GNG7: variants seen among roughly 807,000 people sequenced by gnomAD.
The protein encoded by GNG7 is guanine nucleotide-binding protein G(I)/G(S)/G(O) subunit gamma-7.
A neutral mutation model predicts 4.0 loss-of-function variants in GNG7; 1 was observed. The ratio of observed to expected loss-of-function variants is 0.25; its 90% CI spans 0.09 to 1.18. The LOEUF is 1.18. GNG7 is among the 50% of genes most tolerant of loss of function. The pLI is 0.50. For missense variants in GNG7, 86 were observed against 91.9 expected, an observed-to-expected ratio of 0.94 and a Z score of 0.26; for synonymous variants, 34 against 36.9, an observed-to-expected ratio of 0.92 and a Z score of 0.29.
At chr19:2,602,079 G>A (rs926118828) in intron 2 of GNG7, among the ~76,000 whole-genome samples, 1 of 152,048 alleles carries the variant, frequency 6.6e-6, no homozygotes, top group Admixed American at 6.6e-5. Flanking sequence ...GCTCACGCCT[G>A]TAATCCCAGC....
intron 3 of GNG7, among the ~76,000 whole-genome samples, chr19:2,550,648 G>A (rs1979287547): frequency 6.6e-6 from 1 of 152,186 alleles, no homozygotes; most frequent in African/African-American, 2.4e-5. Context: ...CACAGCCTGA[G>A]GGACCACCAG....
In GNG7 at chr19:2,611,787, G is replaced by C. The variant is rs527343894; in HGVS notation, c.-78+34437C>G. 1.7e-4 allele frequency: 26 copies of C among 152,260 alleles called. No individual in the cohort carries two copies. Among genetic ancestry groups the C allele is most frequent in the African/African-American group, 6.3e-4 (26 of 41,554 alleles). 9.4% of individuals were successfully genotyped at this position (152,260 alleles called of 1,614,324 possible). A position where few individuals can be genotyped will look rare whatever the true frequency, so the allele number is the denominator to read the frequency against. On this transcript the variant is annotated intron_variant, in intron 2 of 4. Coordinates refer to ENST00000382159, the MANE Select transcript of GNG7 (RefSeq NM_052847.3). This position sits in a 1 kb window ranked among gnomAD's most constrained non-coding sequence, Gnocchi z 6.0. ...GGAGGTGGAGGCTGCACTGAGCGTT[G>C]ATCGCGCCACTGCTCTCCAGCCTGG...
chr19:2,566,980 C>T (rs1032272801), intron 2 of GNG7, among the ~76,000 whole-genome samples: 3 of 151,962 alleles, frequency 2.0e-5, no homozygotes, highest in Non-Finnish European at 2.9e-5. Flanking sequence ...TGGCGGGCGT[C>T]TGTAATCCCA....
intron 2 of GNG7, among the ~76,000 whole-genome samples, chr19:2,566,207 G>C (rs1160885634): frequency 6.6e-6 from 1 of 152,048 alleles, no homozygotes; most frequent in Non-Finnish European, 1.5e-5. Context: ...GGGACATTTG[G>C]ACACAGATGC....
chr19:2,608,298 C>T (rs1176418817), intron 2 of GNG7, among the ~76,000 whole-genome samples: 2 of 149,996 alleles, frequency 1.3e-5, no homozygotes, highest in African/African-American at 4.9e-5. Context: ...GTTCCGCCCA[C>T]GTGGGATTTG....
intron 1 of GNG7, among the ~76,000 whole-genome samples, chr19:2,665,407 C>T (rs1455614009): frequency 1.3e-5 from 2 of 151,888 alleles, no homozygotes; most frequent in Non-Finnish European, 1.5e-5. Context: ...ACAGTCCTCG[C>T]CACACCCCAC....
chr19:2,576,217 G>A (rs113384397), intron 2 of GNG7, among the ~76,000 whole-genome samples: 1,766 of 152,368 alleles, frequency 0.012, 39 homozygotes, highest in African/African-American at 0.041. Flanking sequence ...CCAACCCACC[G>A]CAGTGGGGCG....
intron 2 of GNG7, among the ~76,000 whole-genome samples, chr19:2,570,031 G>A (rs941198737): frequency 6.6e-6 from 1 of 151,866 alleles, no homozygotes; most frequent in East Asian, 1.9e-4. Flanking sequence ...GGCTGGGTGG[G>A]CGGCATTTGG....
intron 2 of GNG7, among the ~76,000 whole-genome samples, chr19:2,625,752 C>T (rs894485577): frequency 6.6e-6 from 1 of 152,066 alleles, no homozygotes; most frequent in African/African-American, 2.4e-5. Context: ...AAGACAAGGA[C>T]TTCAGAGCTG....
chr19:2,697,786 TC>T (rs150074058), intron 1 of GNG7, among the ~76,000 whole-genome samples: 10,692 of 124,702 alleles, frequency 0.086, 685 homozygotes, highest in African/African-American at 0.2. Context: ...GAGGGCCCCG[TC>T]CCCCCCCCCG....
intron 2 of GNG7, among the ~76,000 whole-genome samples, chr19:2,637,817 C>T (rs948772223): frequency 1.3e-5 from 2 of 150,286 alleles, no homozygotes; most frequent in Non-Finnish European, 1.5e-5. Context: ...ACAGATGTCC[C>T]CTGGAGGCAG....
intron 3 of GNG7, among the ~76,000 whole-genome samples, chr19:2,536,086 C>G (rs1187101857): frequency 6.6e-6 from 1 of 151,848 alleles, no homozygotes; most frequent in South Asian, 2.1e-4. Context: ...GACCACACCA[C>G]TGTACTTCAG....
intron 2 of GNG7, chr19:2,595,137 T>G (rs1980977074): frequency 6.7e-6 from 1 of 149,256 alleles, no homozygotes; most frequent in Non-Finnish European, 1.5e-5. Flanking sequence ...ATTAAATTTT[T>G]TTTTTTTTGA....
At chr19:2,579,196 A>G (rs1980429798) in intron 2 of GNG7, among the ~76,000 whole-genome samples, 1 of 152,240 alleles carries the variant, frequency 6.6e-6, no homozygotes, top group Admixed American at 6.5e-5. Context: ...CAAGGTCTGC[A>G]CAGGGGTCAC....
At chr19:2,531,770 CAAAAAAA>C (rs57772201) in intron 3 of GNG7, among the ~76,000 whole-genome samples, 53 of 128,324 alleles carry the variant, frequency 4.1e-4, no homozygotes, top group African/African-American at 1.5e-3. Flanking sequence ...GACTCCGTCC[CAAAAAAA>C]AAAAAAAATG....
At chr19:2,658,065 C>A (rs574581698) in intron 1 of GNG7, among the ~76,000 whole-genome samples, 1 of 152,210 alleles carries the variant, frequency 6.6e-6, no homozygotes, top group African/African-American at 2.4e-5. Context: ...GGGCCACTAC[C>A]GGTCTTCATG....
At chr19:2,602,152 C>T (rs1410473024) in intron 2 of GNG7, among the ~76,000 whole-genome samples, 1 of 152,026 alleles carries the variant, frequency 6.6e-6, no homozygotes, top group Non-Finnish European at 1.5e-5. Context: ...GCCTGGCCAA[C>T]ATGGTGAAAC....
chr19:2,586,503 G>A (rs956235604), intron 2 of GNG7, among the ~76,000 whole-genome samples: 7 of 152,224 alleles, frequency 4.6e-5, no homozygotes, highest in African/African-American at 1.7e-4. Context: ...TCCCCCAAGA[G>A]CTCAGCTGAG....
At chr19:2,682,655 CAAAAAAAAAA>C (rs745799326) in intron 1 of GNG7, among the ~76,000 whole-genome samples, 23,185 of 64,450 alleles carry the variant, frequency 0.36, 3,159 homozygotes, top group East Asian at 0.68. Flanking sequence ...GACTCCATCT[CAAAAAAAAAA>C]AAAAAAAAAA....
Sources: allele counts gnomAD v4.1 joint callset (sites outside exome capture counted in the v4.1 genomes callset), GRCh38; gene constraint gnomAD v4.1.1; non-coding constraint Gnocchi (gnomAD v3.1); transcripts MANE v1.5; gene names NCBI Gene and HGNC (gene_info 2026-07-23, HGNC 2026-07-21).